AKR1C8: variants seen among roughly 807,000 people sequenced by gnomAD.
The protein encoded by AKR1C8 is aldo-keto reductase family 1 member C-like protein 1.
the AKR1C8 span, among the ~76,000 whole-genome samples, chr10:5,127,592 G>C: frequency 7.9e-6 from 1 of 126,544 alleles, no homozygotes; most frequent in Non-Finnish European, 1.7e-5. Flanking sequence ...GCTGGCATGT[G>C]CCTGTAATCC....
At chr10:5,140,604 G>C in the AKR1C8 span, among the ~76,000 whole-genome samples, 6 of 150,298 alleles carry the variant, frequency 4.0e-5, no homozygotes, top group African/African-American at 1.5e-4. Flanking sequence ...CAATGAGAAC[G>C]CTTGGACACA....
the AKR1C8 span, among the ~76,000 whole-genome samples, chr10:5,140,407 T>A: frequency 9.2e-5 from 14 of 152,168 alleles, no homozygotes; most frequent in East Asian, 1.5e-3. Context: ...CAAATGTCCA[T>A]CAATGATAGA....
chr10:5,120,788 C>A, the AKR1C8 span, among the ~76,000 whole-genome samples: 847 of 152,186 alleles, frequency 5.6e-3, 5 homozygotes, highest in Non-Finnish European at 9.6e-3. Context: ...AATCTCTATT[C>A]TCATAATTAA....
At chr10:5,141,277 A>G in the AKR1C8 span, among the ~76,000 whole-genome samples, 2 of 152,128 alleles carry the variant, frequency 1.3e-5, no homozygotes, top group Non-Finnish European at 2.9e-5. Flanking sequence ...TCAGTCACAT[A>G]TTAAGGCTCT....
chr10:5,146,674 T>C, the AKR1C8 span, among the ~76,000 whole-genome samples: 1 of 152,126 alleles, frequency 6.6e-6, no homozygotes, highest in Non-Finnish European at 1.5e-5. Context: ...AATAACCCAC[T>C]CTATGGGTTG....
At chr10:5,171,916 T>C in the AKR1C8 span, among the ~76,000 whole-genome samples, 2 of 152,140 alleles carry the variant, frequency 1.3e-5, no homozygotes, top group African/African-American at 4.8e-5. Flanking sequence ...ATTTTACTTT[T>C]CTTACACACC....
chr10:5,183,254 T>G, the AKR1C8 span, among the ~76,000 whole-genome samples: 1 of 152,136 alleles, frequency 6.6e-6, no homozygotes, highest in Non-Finnish European at 1.5e-5. Context: ...CTACAAATCC[T>G]ACCAGGTCAT....
At chr10:5,144,314 T>C in the AKR1C8 span, among the ~76,000 whole-genome samples, 1 of 152,194 alleles carries the variant, frequency 6.6e-6, no homozygotes, top group African/African-American at 2.4e-5. Context: ...GCGTGATGCC[T>C]CCAGCTTTCT....
chr10:5,118,962 C>G, the AKR1C8 span, among the ~76,000 whole-genome samples: 1 of 151,474 alleles, frequency 6.6e-6, no homozygotes, highest in Non-Finnish European at 1.5e-5. Context: ...AGGTGGAATG[C>G]AGGGAAGTCA....
chr10:5,175,362 G>A, the AKR1C8 span, among the ~76,000 whole-genome samples: 7 of 151,814 alleles, frequency 4.6e-5, no homozygotes, highest in African/African-American at 1.7e-4. Flanking sequence ...CATTTTCTTA[G>A]TCCAGCCTAT....
chr10:5,155,615 C>A, the AKR1C8 span: 1 of 399,142 alleles, frequency 2.5e-6, no homozygotes, highest in Admixed American at 2.9e-5. Flanking sequence ...AAGATGTGTT[C>A]CCCATTTCCC....
At chr10:5,162,361 A>G in the AKR1C8 span, among the ~76,000 whole-genome samples, 1 of 152,248 alleles carries the variant, frequency 6.6e-6, no homozygotes, top group Admixed American at 6.5e-5. Context: ...CATTCTAAAA[A>G]TAAATTATCG....
At chr10:5,141,379 A>G in the AKR1C8 span, among the ~76,000 whole-genome samples, 1 of 152,240 alleles carries the variant, frequency 6.6e-6, no homozygotes, top group South Asian at 2.1e-4. Context: ...GTTGTAATTA[A>G]CTTTTTCCAA....
At chr10:5,153,298 A>G in the AKR1C8 span, among the ~76,000 whole-genome samples, 1 of 152,210 alleles carries the variant, frequency 6.6e-6, no homozygotes, top group Non-Finnish European at 1.5e-5. Flanking sequence ...TGGGTAGATG[A>G]TTAAGAAACA....
chr10:5,121,023 C>T, the AKR1C8 span, among the ~76,000 whole-genome samples: 1 of 151,836 alleles, frequency 6.6e-6, no homozygotes, highest in Non-Finnish European at 1.5e-5. Context: ...AGTTAATATG[C>T]TCTACAACAA....
the AKR1C8 span, among the ~76,000 whole-genome samples, chr10:5,182,753 A>G: frequency 6.6e-6 from 1 of 152,006 alleles, no homozygotes; most frequent in Non-Finnish European, 1.5e-5. Context: ...CTACGAAAAT[A>G]CAAAAAATAA....
At chr10:5,134,930 AAAGT>A in the AKR1C8 span, among the ~76,000 whole-genome samples, 56 of 152,202 alleles carry the variant, frequency 3.7e-4, 1 homozygote, top group Non-Finnish European at 1.6e-4. Flanking sequence ...GCACAAAATA[AAAGT>A]AAGCAGTACA....
chr10:5,175,402 T>C, the AKR1C8 span, among the ~76,000 whole-genome samples: 2 of 152,162 alleles, frequency 1.3e-5, no homozygotes, highest in East Asian at 3.8e-4. Context: ...TAGTTCCAAG[T>C]CTTTGCTGTT....
the AKR1C8 span, among the ~76,000 whole-genome samples, chr10:5,175,271 C>T: frequency 1.3e-5 from 2 of 151,874 alleles, no homozygotes; most frequent in Non-Finnish European, 2.9e-5. Flanking sequence ...TGATGATTTC[C>T]AATTTCATCC....
Sources: gnomAD v4.1 joint callset for allele counts (sites outside exome capture counted in the v4.1 genomes callset) on GRCh38, gnomAD v4.1.1 for gene constraint, MANE v1.5 for transcripts, NCBI Gene and HGNC (gene_info 2026-07-23, HGNC 2026-07-21) for gene names.